The following FOXP2 variants were observed in gnomAD, a reference collection of about 807,000 sequenced individuals.
The protein encoded by FOXP2 is forkhead box P2.
Under a neutral mutation model 115.8 loss-of-function variants are expected in FOXP2, and 12 were observed. That is an observed-to-expected ratio of 0.10 (90% CI 0.07 to 0.17). The LOEUF is 0.17. FOXP2 is among the 10% of genes least tolerant of loss of function. The pLI, the probability that FOXP2 is intolerant of heterozygous loss-of-function variation, is 1.00. For synonymous variants in FOXP2, 328 were observed against 297.7 expected (o/e 1.10, Z -1.05); for missense variants, 629 against 843.5 (o/e 0.75, Z 3.15).
intron 3 of FOXP2, among the ~76,000 whole-genome samples, chr7:114,577,292 C>T (rs907316402): frequency 6.6e-6 from 1 of 151,890 alleles, no homozygotes; most frequent in African/African-American, 2.4e-5. Context: ...ACAACAACAA[C>T]AACAAAACTT....
At chr7:114,580,705 C>A (rs1008031974) in intron 3 of FOXP2, among the ~76,000 whole-genome samples, 1 of 152,106 alleles carries the variant, frequency 6.6e-6, no homozygotes, top group Non-Finnish European at 1.5e-5. Context: ...TAATTTTATA[C>A]CTGGTTATCT....
chr7:114,247,972 G>C lies in FOXP2; in HGVS notation c.-101-40047G>C, dbSNP rs533056419. Among the ~76,000 whole-genome samples, 151 of 152,058 alleles carry C rather than the reference G, an allele frequency of 9.9e-4. No homozygotes were observed. In the Middle Eastern group the frequency reaches 0.024, roughly 24 times the overall value. On this transcript the variant is annotated intron_variant, in intron 1 of 17. Coordinates refer to the FOXP2 transcript ENST00000634411. ...GAACACACACACGTACACACACACA[G>C]AGAGAGAAATGAGAGATTGATTTAC... is the stretch of plus-strand genomic sequence containing the variant.
Position 114,628,572 on chromosome 7 carries a change from G to C in FOXP2, c.291G>C (p.Gln97His), listed in dbSNP as rs1168362217. The C allele has an allele frequency of 6.2e-7, 1 of 1,613,870 alleles. No individual in the cohort carries two copies. Among genetic ancestry groups the C allele is most frequent in the Non-Finnish European group, 8.5e-7 (1 of 1,179,974 alleles). Residue 97 changes from glutamine to histidine, a missense_variant, in exon 4 of 17, where the codon CAG becomes CAC. Gln to His is a conservative substitution (Grantham distance 24). This residue lies in a region of FOXP2 where 138 missense variants were observed against 205.1 expected (regional missense o/e 0.67). Transcript: ENST00000350908. ...TGTCAGTGGCCATGATGACTCCCCA[G>C]GTGATCACCCCTCAGCAAATGCAGC... Reference protein sequence around the residue: ...VPVSVAMMTPQVITPQQMQQI... With the variant: ...VPVSVAMMTPHVITPQQMQQI...
intron 1 of FOXP2, among the ~76,000 whole-genome samples, chr7:114,180,626 A>AT (rs1793431144): frequency 6.6e-6 from 1 of 151,964 alleles, no homozygotes; most frequent in South Asian, 2.1e-4. Flanking sequence ...TTCTCTTATG[A>AT]TATGTTCTGT....
At chr7:114,652,584 C>T (rs536960774) in intron 9 of FOXP2, among the ~76,000 whole-genome samples, 8 of 152,156 alleles carry the variant, frequency 5.3e-5, no homozygotes, top group African/African-American at 1.9e-4. Context: ...CAGGTTAGAC[C>T]AAACTCCCAA....
intron 1 of FOXP2, among the ~76,000 whole-genome samples, chr7:114,415,875 G>A (rs2129200042): frequency 6.6e-6 from 1 of 152,002 alleles, no homozygotes; most frequent in South Asian, 2.1e-4. Flanking sequence ...AGGAGTCAGG[G>A]CTCAGATGAT....
intron 3 of FOXP2, among the ~76,000 whole-genome samples, chr7:114,561,789 T>TTTTG (rs35714189): frequency 0.093 from 14,069 of 151,920 alleles, 689 homozygotes; most frequent in Middle Eastern, 0.16. Flanking sequence ...TGGTGTTGGG[T>TTTTG]TTTGTTTGTT....
intron 2 of FOXP2, chr7:114,297,493 C>A: frequency 3.2e-6 from 1 of 310,462 alleles, no homozygotes; most frequent in South Asian, 4.6e-5. Flanking sequence ...TCTAAGTGCC[C>A]AATAGTCCAT....
chr7:114,637,249 G>T (rs989413555), intron 6 of FOXP2, among the ~76,000 whole-genome samples: 2 of 152,080 alleles, frequency 1.3e-5, no homozygotes, highest in Non-Finnish European at 2.9e-5. Flanking sequence ...CAGCTCCTGT[G>T]GTAAAAACCT....
intron 10 of FOXP2, among the ~76,000 whole-genome samples, chr7:114,656,037 T>C (rs1806567645): frequency 6.6e-6 from 1 of 152,164 alleles, no homozygotes; most frequent in South Asian, 2.1e-4. Context: ...ATTTTATCAG[T>C]TTGTGATTGT....
intron 1 of FOXP2, among the ~76,000 whole-genome samples, chr7:114,151,059 G>T (rs1012900961): frequency 1.3e-5 from 2 of 151,852 alleles, no homozygotes; most frequent in Non-Finnish European, 1.5e-5. Flanking sequence ...AATGGCCACC[G>T]AATACCATTT....
rs12666035 is a variant in FOXP2 at position 114,295,059 on chromosome 7, A to T, written c.-11+6950A>T. Among the ~76,000 whole-genome samples the T allele has an allele frequency of 3.0e-3, 458 of 151,996 alleles. 2 individuals carry two copies. The highest frequency in any genetic ancestry group is 0.011 in the African/African-American group (440 of 41,476). On this transcript the variant is annotated intron_variant, in intron 2 of 17. Coordinates refer to the FOXP2 transcript ENST00000634411. The stretch of plus-strand genomic sequence containing the variant: ...TAACTTGTTCATATTTTTAAATGAG[A>T]GTTTATGTTTATAGTTTTAAACTTG...
intron 3 of FOXP2, among the ~76,000 whole-genome samples, chr7:114,540,015 C>T (rs1799578442): frequency 6.6e-6 from 1 of 151,922 alleles, no homozygotes; most frequent in African/African-American, 2.4e-5. Flanking sequence ...ATATAAAGTA[C>T]TTACCGTAAA....
chr7:114,373,242 G>A (rs1792058124), intron 2 of FOXP2, among the ~76,000 whole-genome samples: 3 of 152,048 alleles, frequency 2.0e-5, no homozygotes, highest in South Asian at 2.1e-4. Flanking sequence ...GGATGGTCTC[G>A]ATCTCCTGAC....
intron 2 of FOXP2, among the ~76,000 whole-genome samples, chr7:114,450,268 G>C (rs1022696282): frequency 6.6e-6 from 1 of 151,994 alleles, no homozygotes; most frequent in African/African-American, 2.4e-5. Flanking sequence ...ACTCAGGGAA[G>C]GTATAAGATG....
At chr7:114,309,830 CTT>C (rs563195470) in intron 2 of FOXP2, among the ~76,000 whole-genome samples, 29 of 135,966 alleles carry the variant, frequency 2.1e-4, no homozygotes, top group Non-Finnish European at 1.6e-4. Context: ...ACACTCAACT[CTT>C]TTTTTTTTTT....
chr7:114,629,915 GCAACAACAACAA>G lies in FOXP2; in HGVS notation c.513_524del (p.Gln188_Gln191del). 6.2e-7 allele frequency: 1 copy of G among 1,608,606 alleles called. No homozygotes were observed. The highest frequency in any genetic ancestry group is 8.5e-7 in the Non-Finnish European group (1 of 1,177,976). On this transcript the variant is annotated inframe_deletion, in exon 5 of 17. Coordinates refer to ENST00000350908, the MANE Select transcript of FOXP2 (RefSeq NM_014491.4). Reference sequence around the variant, plus strand: ...AACAACAGCAGCAACAACAGCAGCAGCAACAACAACAACAACAGCAGCAACAACAGCAGCAGC... The same window carrying G: ...AACAACAGCAGCAACAACAGCAGCAGCAACAGCAGCAACAACAGCAGCAGC...
intron 1 of FOXP2, among the ~76,000 whole-genome samples, chr7:114,285,122 C>T (rs1796434735): frequency 6.6e-6 from 1 of 151,952 alleles, no homozygotes; most frequent in South Asian, 2.1e-4. Flanking sequence ...TATAAGAAGT[C>T]CCTGTGGCAT....
intron 3 of FOXP2, among the ~76,000 whole-genome samples, chr7:114,595,519 A>C (rs1369187887): frequency 1.3e-4 from 20 of 152,090 alleles, no homozygotes. Context: ...TGATAAAAGC[A>C]AAAGCAGAGG....
Sources: gnomAD v4.1 joint callset for allele counts (sites outside exome capture counted in the v4.1 genomes callset) on GRCh38, gnomAD v4.1.1 for gene constraint, gnomAD v4.1.1 regional missense constraint, MANE v1.5 for transcripts, NCBI Gene and HGNC (gene_info 2026-07-23, HGNC 2026-07-21) for gene names.